The following PCDHGB2 variants were observed in gnomAD, a reference collection of about 807,000 sequenced individuals.
The protein encoded by PCDHGB2 is protocadherin gamma-B2.
Under a neutral mutation model 59.3 loss-of-function variants are expected in PCDHGB2, and 55 were observed. The observed-to-expected ratio is 0.93, with a 90% CI of 0.75 to 1.16. The LOEUF (loss-of-function observed/expected upper bound fraction) is 1.16, where lower values mean the gene tolerates loss of function less well. Among genes scored for constraint, PCDHGB2 ranks in the 50% most tolerant of loss-of-function variants. The pLI is 0.00. For synonymous variants in PCDHGB2, 516 were observed against 512.0 expected (o/e 1.01, Z -0.11); for missense variants, 1,228 against 1,198.5 (o/e 1.02, Z -0.36).
At chr5:141,368,404 C>G (rs778461695) in intron 1 of PCDHGB2, among the ~76,000 whole-genome samples, 1 of 152,034 alleles carries the variant, frequency 6.6e-6, no homozygotes, top group Non-Finnish European at 1.5e-5. Context: ...AACACACATA[C>G]ATACACACAT....
At position 141,511,199 on chromosome 5, in the gene PCDHGB2, G is replaced by C. The variant is rs1303066281; in HGVS notation, c.*26G>C. On this transcript the variant is annotated 3_prime_UTR_variant, in exon 4 of 4. Coordinates refer to ENST00000522605, the MANE Select transcript of PCDHGB2 (RefSeq NM_018923.3). The stretch of plus-strand genomic sequence containing the variant: ...CATGGAGGCCAGGCCAAGAGCCACA[G>C]GGCGGCCTCTCCCCAACCAGCCCAG... 6.2e-6 allele frequency: 10 copies of C among 1,612,868 alleles called. No individual in the cohort carries two copies. In the East Asian group the frequency reaches 2.2e-4, roughly 36 times the overall value.
chr5:141,394,491 C>G, intron 1 of PCDHGB2: 1 of 1,614,234 alleles, frequency 6.2e-7, no homozygotes, highest in East Asian at 2.2e-5. Flanking sequence ...TGACAACGCG[C>G]CCGAGATCCT....
At position 141,485,379 on chromosome 5, in the gene PCDHGB2, A is replaced by G. The variant is rs749607481; in HGVS notation, c.2422-9428A>G. 12 of 1,613,934 alleles carry G rather than the reference A, an allele frequency of 7.4e-6. No homozygotes were observed. In the Admixed American group the frequency reaches 1.8e-4, roughly 25 times the overall value. The stretch of plus-strand genomic sequence containing the variant: ...GCTCGCAGGCTGCAGGTCGCTGGAG[A>G]GGTGAACCAAAGACACTTCCGTGTG... On this transcript the variant is annotated intron_variant, in intron 1 of 3. Coordinates refer to ENST00000522605, the MANE Select transcript of PCDHGB2 (RefSeq NM_018923.3). This position sits in a 1 kb window ranked among gnomAD's most constrained non-coding sequence, Gnocchi z 5.7.
At position 141,485,326 on chromosome 5, in the gene PCDHGB2, T is replaced by C. The variant is rs2154580391; in HGVS notation, c.2422-9481T>C. On this transcript the variant is annotated intron_variant, in intron 1 of 3. Coordinates refer to ENST00000522605, the MANE Select transcript of PCDHGB2 (RefSeq NM_018923.3). This position sits in a 1 kb window ranked among gnomAD's most constrained non-coding sequence, Gnocchi z 5.7. ...CTTTTGTAGGGAATGTCGCTCAAGATTTCCTGCTGGATACGGACAGTCTGT... is the reference window on the plus strand; with the variant it reads ...CTTTTGTAGGGAATGTCGCTCAAGACTTCCTGCTGGATACGGACAGTCTGT... 1 of 1,614,106 alleles carries C rather than the reference T, an allele frequency of 6.2e-7. No homozygotes were observed. The highest frequency in any genetic ancestry group is 1.7e-5 in the Admixed American group (1 of 60,028).
intron 2 of PCDHGB2, among the ~76,000 whole-genome samples, chr5:141,499,689 CTTTTTT>C (rs545067566): frequency 3.3e-5 from 4 of 119,854 alleles, no homozygotes; most frequent in Admixed American, 8.7e-5. Flanking sequence ...TAACAGATGA[CTTTTTT>C]TTTTTTTTTT....
In PCDHGB2 at chr5:141,485,368, G is replaced by T. The variant is rs2154580406; in HGVS notation, c.2422-9439G>T. On this transcript the variant is annotated intron_variant, in intron 1 of 3. Coordinates refer to ENST00000522605, the MANE Select transcript of PCDHGB2 (RefSeq NM_018923.3). This position sits in a 1 kb window ranked among gnomAD's most constrained non-coding sequence, Gnocchi z 5.7. Reference sequence around the variant, plus strand: ...ACAGTCTGTCAGCTCGCAGGCTGCAGGTCGCTGGAGAGGTGAACCAAAGAC... The same window carrying T: ...ACAGTCTGTCAGCTCGCAGGCTGCATGTCGCTGGAGAGGTGAACCAAAGAC... The T allele has an allele frequency of 6.2e-7, 1 of 1,614,144 alleles. No individual in the cohort carries two copies. The highest frequency in any genetic ancestry group is 2.2e-5 in the East Asian group (1 of 44,866).
chr5:141,453,540 A>G (rs890130466), intron 1 of PCDHGB2, among the ~76,000 whole-genome samples: 2 of 152,058 alleles, frequency 1.3e-5, no homozygotes, highest in Non-Finnish European at 2.9e-5. Context: ...CCTCATTCAC[A>G]CCACACTCTG....
At chr5:141,413,877 G>GAC (rs751994783) in intron 1 of PCDHGB2, 1 of 1,613,386 alleles carries the variant, frequency 6.2e-7, no homozygotes. Flanking sequence ...TTGTCAGTGT[G>GAC]ACTGTCTTCG....
intron 1 of PCDHGB2, among the ~76,000 whole-genome samples, chr5:141,362,811 T>G (rs920763792): frequency 6.6e-6 from 1 of 152,256 alleles, no homozygotes; most frequent in African/African-American, 2.4e-5. Context: ...ACATTACTTC[T>G]CTCTGCAGAT....
chr5:141,387,851 C>T, intron 1 of PCDHGB2: 5 of 1,596,536 alleles, frequency 3.1e-6, no homozygotes, highest in Non-Finnish European at 4.3e-6. Flanking sequence ...CCGGCGTCTC[C>T]AGGCTGGTGA....
intron 2 of PCDHGB2, among the ~76,000 whole-genome samples, chr5:141,495,440 A>G (rs2099761377): frequency 6.6e-6 from 1 of 151,898 alleles, no homozygotes; most frequent in African/African-American, 2.4e-5. Context: ...CTCTGCCCCT[A>G]CTTGTCCTGC....
chr5:141,476,196 A>G lies in PCDHGB2; in HGVS notation c.2422-18611A>G, dbSNP rs2099386612. The G allele has an allele frequency of 6.2e-7, 1 of 1,613,852 alleles. No individual in the cohort carries two copies. Among genetic ancestry groups the G allele is most frequent in the South Asian group, 1.1e-5 (1 of 91,074 alleles). ...GTTTTGCTTCTGCTTGGTGCCTTGA[A>G]CAAGGCTTCCACGGTCATTCACTAT... On this transcript the variant is annotated intron_variant, in intron 1 of 3. Coordinates refer to ENST00000522605, the MANE Select transcript of PCDHGB2 (RefSeq NM_018923.3). This position sits in a 1 kb window ranked among gnomAD's most constrained non-coding sequence, Gnocchi z 7.6.
intron 2 of PCDHGB2, among the ~76,000 whole-genome samples, chr5:141,499,010 AAGG>A (rs2099788390): frequency 6.6e-6 from 1 of 151,098 alleles, no homozygotes; most frequent in Non-Finnish European, 1.5e-5. Context: ...GGAAGGAAGG[AAGG>A]AAGGAAGGAA....
chr5:141,388,812 G>A, intron 1 of PCDHGB2: 3 of 1,613,934 alleles, frequency 1.9e-6, no homozygotes, highest in Non-Finnish European at 2.5e-6. Context: ...TTTTGAAGAA[G>A]TCAAAGAATA....
intron 1 of PCDHGB2, among the ~76,000 whole-genome samples, chr5:141,430,346 C>G (rs1191705310): frequency 6.8e-6 from 1 of 148,074 alleles, no homozygotes; most frequent in Non-Finnish European, 1.5e-5. Context: ...ACTTCCAATT[C>G]ATTTAAAAGC....
chr5:141,466,573 C>T (rs2099125317), intron 1 of PCDHGB2, among the ~76,000 whole-genome samples: 1 of 152,104 alleles, frequency 6.6e-6, no homozygotes, highest in South Asian at 2.1e-4. Context: ...TCAACATTGT[C>T]TCATCCCTTC....
chr5:141,418,087 C>T (rs2096220274), intron 1 of PCDHGB2: 9 of 1,613,894 alleles, frequency 5.6e-6, no homozygotes, highest in Non-Finnish European at 7.6e-6. Flanking sequence ...TGCACTTCAG[C>T]GTAGACGCGC....
At chr5:141,372,279 G>C in intron 1 of PCDHGB2, 1 of 1,613,176 alleles carries the variant, frequency 6.2e-7, no homozygotes, top group Non-Finnish European at 8.5e-7. Flanking sequence ...GGTGCGCACG[G>C]CGCGTACCTT....
intron 1 of PCDHGB2, chr5:141,423,517 T>G (rs750915364): frequency 1.9e-6 from 3 of 1,613,716 alleles, no homozygotes; most frequent in Non-Finnish European, 2.5e-6. Flanking sequence ...CATTGCGGAC[T>G]CGCAGAAGAG....
Sources: allele counts gnomAD v4.1 joint callset (sites outside exome capture counted in the v4.1 genomes callset), GRCh38; gene constraint gnomAD v4.1.1; non-coding constraint Gnocchi (gnomAD v3.1); transcripts MANE v1.5; gene names NCBI Gene and HGNC (gene_info 2026-07-23, HGNC 2026-07-21).